The following LRP3 variants were observed in gnomAD, a reference collection of about 807,000 sequenced individuals.
The protein encoded by LRP3 is low-density lipoprotein receptor-related protein 3.
Under a neutral mutation model 58.5 loss-of-function variants are expected in LRP3, and 49 were observed. The observed-to-expected ratio is 0.84, with a 90% CI of 0.67 to 1.06. LRP3 has a LOEUF of 1.06. Among genes scored for constraint, LRP3 ranks in the 50% least tolerant of loss-of-function variants. LRP3 has a pLI of 0.00. For synonymous variants in LRP3, 485 were observed against 492.2 expected, an observed-to-expected ratio of 0.99 and a Z score of 0.20; for missense variants, 1,019 against 1,134.2, an observed-to-expected ratio of 0.90 and a Z score of 1.46.
chr19:33,197,342 G>A (rs984526818), intron 2 of LRP3, among the ~76,000 whole-genome samples: 1 of 152,162 alleles, frequency 6.6e-6, no homozygotes, highest in Non-Finnish European at 1.5e-5. Context: ...GGAAAGTCTC[G>A]ACATCCAGGT....
chr19:33,204,192 A>C (rs1001586810), intron 3 of LRP3: 8 of 179,586 alleles, frequency 4.5e-5, no homozygotes, highest in Non-Finnish European at 9.4e-5. Context: ...GGGCAGTCTC[A>C]CCCTCACTTC....
At chr19:33,196,335 T>C (rs768791512) in intron 1 of LRP3, among the ~76,000 whole-genome samples, 1 of 152,136 alleles carries the variant, frequency 6.6e-6, no homozygotes, top group Non-Finnish European at 1.5e-5. Flanking sequence ...AGAGAATTGC[T>C]GGAGGCCAGG....
intron 2 of LRP3, among the ~76,000 whole-genome samples, chr19:33,201,161 G>T (rs1974337480): frequency 6.6e-6 from 1 of 152,192 alleles, no homozygotes; most frequent in African/African-American, 2.4e-5. Context: ...CTACCTGCCT[G>T]TGTGATGTTC....
chr19:33,206,725 G>T lies in LRP3; in HGVS notation c.1717G>T (p.Ala573Ser). ...CGTGGAGGACTTTCCTGTCTACAGT[G>T]CGTCCCAGGTGAGCCCCCGGAGGGC... ...PPVEDFPVYSASQASVLQNLR... is the reference protein window; with the variant it reads ...PPVEDFPVYSSSQASVLQNLR... Residue 573 changes from alanine to serine, a missense_variant, in exon 6 of 7, where the codon GCG becomes TCG. By Grantham distance (99) the Ala-to-Ser change is moderately conservative. Transcript: ENST00000253193. 1 of 1,522,982 alleles carries T rather than the reference G, an allele frequency of 6.6e-7. No individual in the cohort carries two copies. The highest frequency in any genetic ancestry group is 8.8e-7 in the Non-Finnish European group (1 of 1,135,882). The allele number at this position is 1,522,982 out of a possible 1,614,324, so 94.3% of individuals were successfully genotyped here.
intron 3 of LRP3, among the ~76,000 whole-genome samples, chr19:33,203,341 T>C (rs1249375523): frequency 3.3e-5 from 5 of 152,056 alleles, no homozygotes; most frequent in Non-Finnish European, 5.9e-5. Flanking sequence ...TGTGTGCATG[T>C]ATGTGAACAC....
At chr19:33,206,851 C>A (rs1234893725) in intron 6 of LRP3, 118 bp downstream of exon 6, 5 of 1,273,754 alleles carry the variant, frequency 3.9e-6, no homozygotes, top group Non-Finnish European at 3.2e-6. Flanking sequence ...CCTGAGGGCC[C>A]ATGGCCAGGT....
chr19:33,196,586 T>C (rs925861920), intron 1 of LRP3, 144 bp from the exon 2 acceptor site: 14 of 706,400 alleles, frequency 2.0e-5, no homozygotes, highest in Non-Finnish European at 3.3e-5. Context: ...ATGGGCAGTC[T>C]TGGGCTGCGC....
intron 3 of LRP3, 48 bp from the exon 4 acceptor site, chr19:33,204,590 A>T: frequency 7.3e-7 from 1 of 1,379,016 alleles, no homozygotes; most frequent in Non-Finnish European, 1.0e-6. Flanking sequence ...TCGGCCATGG[A>T]GATCCCACCT....
rs1287495830 is a variant in LRP3 at position 33,194,872 on chromosome 19, G to A, written c.73+14G>A. On this transcript the variant is annotated intron_variant, in intron 1 of 6. Transcript: ENST00000253193. The stretch of plus-strand genomic sequence containing the variant: ...TCGTCTGTCTGGGTGAGTGGGCCGC[G>A]CGGGCCGGGCAGGTCCGGGTCCCCC... 9.1e-6 allele frequency: 10 copies of A among 1,098,260 alleles called. No individual in the cohort carries two copies. Among genetic ancestry groups the A allele is most frequent in the Non-Finnish European group, 1.1e-5 (10 of 901,738 alleles). 68.0% of individuals were successfully genotyped at this position (1,098,260 alleles called of 1,614,324 possible).
At position 33,194,770 on chromosome 19, in the gene LRP3, G is replaced by A; in HGVS notation, c.-16G>A. On this transcript the variant is annotated 5_prime_UTR_variant, in exon 1 of 7. Transcript: ENST00000253193. ...CGCGGGGCAGGAGGCGGCGCCCGCG[G>A]GCGGCCGGGCCCGGCATGGAGAAGC... The A allele has an allele frequency of 1.0e-6, 1 of 970,234 alleles. No individual in the cohort carries two copies. 60.1% of individuals were successfully genotyped at this position (970,234 alleles called of 1,614,324 possible).
At chr19:33,203,215 GGTGT>G (rs1006199477) in intron 3 of LRP3, among the ~76,000 whole-genome samples, 1 of 152,094 alleles carries the variant, frequency 6.6e-6, no homozygotes, top group African/African-American at 2.4e-5. Context: ...TTTGTGAGTA[GGTGT>G]GTGTGCATGC....
At position 33,205,326 on chromosome 19, in the gene LRP3, A is replaced by G; in HGVS notation, c.556A>G (p.Asn186Asp). 1 of 1,611,994 alleles carries G rather than the reference A, an allele frequency of 6.2e-7. No homozygotes were observed. The highest frequency in any genetic ancestry group is 8.5e-7 in the Non-Finnish European group (1 of 1,179,524). ...GTGCCTGCCCGGCCCGTGGCAGTGCAACACGGTGGACGAGTGTGGAGACGG... is the reference window on the plus strand; with the variant it reads ...GTGCCTGCCCGGCCCGTGGCAGTGCGACACGGTGGACGAGTGTGGAGACGG... ...GKCLPGPWQC[N>D]TVDECGDGSD... Residue 186 changes from asparagine (N) to aspartate (D), a missense_variant, in exon 5 of 7, where the codon AAC becomes GAC. Asn to Asp is a conservative substitution (Grantham distance 23). Transcript: ENST00000253193.
rs764323425 is a variant in LRP3, at chr19:33,207,252, G to A, written c.1990G>A (p.Gly664Arg). 1.7e-5 allele frequency: 27 copies of A among 1,555,016 alleles called. No individual in the cohort carries two copies. The highest frequency in any genetic ancestry group is 3.6e-5 in the South Asian group (3 of 84,274). The change falls in exon 7 of 7, where the codon GGA (glycine) becomes AGA (arginine). Residue 664 changes from glycine to arginine, a missense_variant. Around this residue, in one of 2 missense-constraint regions of LRP3, gnomAD observed 427 missense variants for 408.6 expected, o/e 1.04. Transcript: ENST00000253193. ...LMDTGSTRAA[G>R]DRPPSAPGRA... ...GGACACAGGCAGCACCAGGGCGGCCGGAGACAGGCCCCCCAGTGCCCCCGG... is the reference window on the plus strand; with the variant it reads ...GGACACAGGCAGCACCAGGGCGGCCAGAGACAGGCCCCCCAGTGCCCCCGG...
At chr19:33,201,219 G>A (rs561116998) in intron 2 of LRP3, among the ~76,000 whole-genome samples, 19 of 152,222 alleles carry the variant, frequency 1.2e-4, no homozygotes, top group African/African-American at 4.6e-4. Flanking sequence ...GGCCGAGGCT[G>A]GGGGGAGGGA....
rs1253108052 is a variant in LRP3 at position 33,207,476 on chromosome 19, C to T, written c.2214C>T (p.Gly738=). Reference sequence around the variant, plus strand: ...TCTCCACTGCCAGCAGCACCCTGGGCCCCCACTCGCCAGAGCCACTGGGGG... The same window carrying T: ...TCTCCACTGCCAGCAGCACCCTGGGTCCCCACTCGCCAGAGCCACTGGGGG... ...PQVSTASSTL[G]PHSPEPLGVC... is the part of the protein sequence containing the mutation. The change falls in exon 7 of 7, where the codon GGC becomes GGT. Residue 738 remains glycine, a synonymous_variant. Coordinates refer to ENST00000253193, the MANE Select transcript of LRP3 (RefSeq NM_002333.4). 4.4e-6 allele frequency: 7 copies of T among 1,599,034 alleles called. No homozygotes were observed. The highest frequency in any genetic ancestry group is 4.0e-5 in the African/African-American group (3 of 74,694).
At chr19:33,206,450 C>T in intron 5 of LRP3, 88 bp downstream of exon 5, 1 of 1,594,350 alleles carries the variant, frequency 6.3e-7, no homozygotes, top group South Asian at 1.1e-5. Context: ...AAACGGGGGC[C>T]TGGACTAGCT....
Position 33,206,168 on chromosome 19 carries a change from G to A in LRP3, c.1398G>A (p.Leu466=), listed in dbSNP as rs762492193. ...QPGTFHCGTN[L]CIFETWRCDG... ...GCACCTTCCACTGCGGTACCAACCTGTGCATCTTCGAGACGTGGCGCTGTG... is the reference window on the plus strand; with the variant it reads ...GCACCTTCCACTGCGGTACCAACCTATGCATCTTCGAGACGTGGCGCTGTG... The change falls in exon 5 of 7, where the codon CTG becomes CTA. Residue 466 remains leucine, a synonymous_variant. Transcript: ENST00000253193. The A allele has an allele frequency of 3.1e-6, 5 of 1,598,354 alleles. No homozygotes were observed. The Middle Eastern group carries it at 6.6e-4, about 212-fold the overall frequency.
intron 3 of LRP3, chr19:33,203,749 G>T (rs997403825): frequency 3.3e-5 from 5 of 152,324 alleles, no homozygotes; most frequent in African/African-American, 1.2e-4. Context: ...TGTCTCTGAG[G>T]TGGCAGAGGT....
intron 2 of LRP3, 72 bp from the exon 3 acceptor site, chr19:33,202,776 C>T: frequency 2.0e-6 from 3 of 1,485,280 alleles, no homozygotes; most frequent in South Asian, 1.3e-5. Flanking sequence ...GTGCTGAAGC[C>T]CCCTTCCCCC....
Sources: gnomAD v4.1 joint callset for allele counts (sites outside exome capture counted in the v4.1 genomes callset) on GRCh38, gnomAD v4.1.1 for gene constraint, gnomAD v4.1.1 regional missense constraint, MANE v1.5 for transcripts, NCBI Gene and HGNC (gene_info 2026-07-23, HGNC 2026-07-21) for gene names.